The following THSD7B variants were observed in gnomAD, a reference collection of about 807,000 sequenced individuals.
The protein encoded by THSD7B is thrombospondin type 1 domain containing 7B, also known as thrombospondin type-1 domain-containing protein 7B.
Under a neutral mutation model 213.6 loss-of-function variants are expected in THSD7B, and 138 were observed. The ratio of observed to expected loss-of-function variants is 0.65; its 90% CI spans 0.56 to 0.74. THSD7B has a LOEUF of 0.74. Ranked by LOEUF, THSD7B falls within the 30% of genes least tolerant of loss-of-function variation. The pLI is 0.00. For synonymous variants in THSD7B, 742 were observed against 687.0 expected (o/e 1.08, Z -1.25); for missense variants, 1,931 against 1,991.5 (o/e 0.97, Z 0.58).
At chr2:136,778,608 C>T (rs1446707481) in intron 1 of THSD7B, among the ~76,000 whole-genome samples, 1 of 152,204 alleles carries the variant, frequency 6.6e-6, no homozygotes, top group Non-Finnish European at 1.5e-5. Context: ...AAAAACTCCT[C>T]TGTTACCGAT....
intron 14 of THSD7B, among the ~76,000 whole-genome samples, chr2:137,434,086 G>A (rs367574758): frequency 6.6e-6 from 1 of 152,142 alleles, no homozygotes; most frequent in South Asian, 2.1e-4. Flanking sequence ...TAATCAAAAT[G>A]TTGGACAAAA....
At chr2:137,261,817 C>T (rs796990672) in intron 10 of THSD7B, among the ~76,000 whole-genome samples, 12 of 150,536 alleles carry the variant, frequency 8.0e-5, no homozygotes, top group African/African-American at 2.9e-4. Context: ...AATATGACAA[C>T]TGATATTTAA....
chr2:137,555,462 A>G (rs1336154817), intron 15 of THSD7B, among the ~76,000 whole-genome samples: 1 of 152,242 alleles, frequency 6.6e-6, no homozygotes, highest in African/African-American at 2.4e-5. Context: ...GCAAACTCCA[A>G]CAGACCTGCA....
intron 1 of THSD7B, among the ~76,000 whole-genome samples, chr2:136,804,964 G>A (rs569637420): frequency 7.9e-5 from 12 of 152,200 alleles, no homozygotes; most frequent in African/African-American, 2.6e-4. Context: ...GGCAACACAG[G>A]TCCCTTTCTG....
chr2:137,332,344 G>A (rs1050462866), intron 12 of THSD7B, among the ~76,000 whole-genome samples: 3 of 152,110 alleles, frequency 2.0e-5, no homozygotes, highest in Non-Finnish European at 4.4e-5. Flanking sequence ...GACTTGCACC[G>A]GCCCTGAGTC....
chr2:137,133,764 A>AT (rs1486818846), intron 5 of THSD7B, among the ~76,000 whole-genome samples: 2 of 152,258 alleles, frequency 1.3e-5, no homozygotes, highest in African/African-American at 4.8e-5. Flanking sequence ...AATATATCCA[A>AT]AGGACTATCA....
intron 5 of THSD7B, among the ~76,000 whole-genome samples, chr2:137,136,156 G>A (rs1196342897): frequency 6.6e-6 from 1 of 152,100 alleles, no homozygotes; most frequent in East Asian, 1.9e-4. Context: ...TGGGGGGTGA[G>A]GGGGCAAGGG....
chr2:137,283,098 A>T (rs539093395), intron 12 of THSD7B, among the ~76,000 whole-genome samples: 2 of 151,942 alleles, frequency 1.3e-5, no homozygotes, highest in Non-Finnish European at 2.9e-5. Context: ...GTGATTTGTC[A>T]TTCTCCTTGA....
chr2:137,233,253 G>C, intron 9 of THSD7B, 120 bp downstream of exon 9: 1 of 903,510 alleles, frequency 1.1e-6, no homozygotes, highest in South Asian at 1.7e-5. Flanking sequence ...AGGGTTTGTT[G>C]TTGCTGTTTG....
At chr2:137,404,149 C>A (rs139417232) in intron 12 of THSD7B, among the ~76,000 whole-genome samples, 2 of 151,270 alleles carry the variant, frequency 1.3e-5, no homozygotes, top group African/African-American at 2.4e-5. Flanking sequence ...TGTTACCTCA[C>A]GATTATTATT....
At position 137,488,014 on chromosome 2, in the gene THSD7B, C is replaced by T. The variant is rs1456360506; in HGVS notation, c.3138+36991C>T. Among the ~76,000 whole-genome samples the T allele has an allele frequency of 1.8e-3, 23 of 12,504 alleles. 6 individuals carry two copies. The highest frequency in any genetic ancestry group is 3.6e-3 in the African/African-American group (23 of 6,304). 8.2% of individuals were successfully genotyped at this position (12,504 alleles called of 152,430 possible). ...TCCTGACCTCGTGATCCGCCCGCCTCGGCCTCCCAAAGTGCTGGGATTACA... is the reference window on the plus strand; with the variant it reads ...TCCTGACCTCGTGATCCGCCCGCCTTGGCCTCCCAAAGTGCTGGGATTACA... On this transcript the variant is annotated intron_variant, in intron 15 of 27. Coordinates refer to ENST00000409968, the MANE Select transcript of THSD7B (RefSeq NM_001316349.2).
chr2:137,059,181 A>C (rs1359398960), intron 3 of THSD7B, among the ~76,000 whole-genome samples: 1 of 152,012 alleles, frequency 6.6e-6, no homozygotes, highest in Non-Finnish European at 1.5e-5. Context: ...GAGAGAAAAA[A>C]AGAGAGCACT....
chr2:137,313,635 T>C (rs1252521580), intron 12 of THSD7B, among the ~76,000 whole-genome samples: 4 of 152,074 alleles, frequency 2.6e-5, no homozygotes, highest in Admixed American at 2.0e-4. Flanking sequence ...GATTTTGCAG[T>C]GGCTGGTACT....
At chr2:136,970,322 G>A (rs1685384247) in intron 2 of THSD7B, among the ~76,000 whole-genome samples, 1 of 151,950 alleles carries the variant, frequency 6.6e-6, no homozygotes, top group Non-Finnish European at 1.5e-5. Context: ...AAATTAGCCA[G>A]GCCTGGTGGC....
chr2:137,116,168 C>T (rs1688444635), intron 5 of THSD7B, among the ~76,000 whole-genome samples: 1 of 152,162 alleles, frequency 6.6e-6, no homozygotes, highest in African/African-American at 2.4e-5. Flanking sequence ...CATAGCTTTG[C>T]AGAGTTCATA....
Position 136,895,023 on chromosome 2 carries a change from C to G in THSD7B, c.139+12706C>G, listed in dbSNP as rs188321768. ...ACTGACAGTCTGTGGCATGTTTGAA[C>G]AAACCTGGGTTTGAGCTTAGATGGG... On this transcript the variant is annotated intron_variant, in intron 2 of 27. Coordinates refer to ENST00000409968, the MANE Select transcript of THSD7B (RefSeq NM_001316349.2). Among the ~76,000 whole-genome samples the G allele has an allele frequency of 2.5e-4, 38 of 152,300 alleles. No homozygotes were observed. The East Asian group carries it at 6.0e-3, about 24-fold the overall frequency.
At chr2:137,448,623 C>A (rs1237784275) in intron 14 of THSD7B, among the ~76,000 whole-genome samples, 1 of 152,034 alleles carries the variant, frequency 6.6e-6, no homozygotes, top group Non-Finnish European at 1.5e-5. Context: ...CGGTGAAACC[C>A]CATCTCTACT....
rs539078512 is a variant in THSD7B, at chr2:137,252,258, C to T, written c.2266+9686C>T. ...CTTCAGCCTGGGTGACAGAGCGAGA[C>T]TCTGTCTCAAAAAAAAAAAAAAAAA... On this transcript the variant is annotated intron_variant, in intron 10 of 27. Transcript: ENST00000409968. Among the ~76,000 whole-genome samples, 307 of 97,688 alleles carry T rather than the reference C, an allele frequency of 3.1e-3. 3 individuals are homozygous for T. The highest frequency in any genetic ancestry group is 0.012 in the South Asian group (31 of 2,586). The allele number at this position is 97,688 out of a possible 152,430, so 64.1% of individuals were successfully genotyped here.
chr2:137,384,947 T>C lies in THSD7B; in HGVS notation c.2501-20666T>C, dbSNP rs184190751. 9.4e-3 allele frequency among the ~76,000 whole-genome samples: 1,423 copies of C among 152,104 alleles called. 19 individuals are homozygous for C. The highest frequency in any genetic ancestry group is 0.033 in the African/African-American group (1,355 of 41,498). ...GGTGGGATGAGGCACCTGACCAGGC[T>C]GAGAGAAATGGATCTGGAGTTCTTC... On this transcript the variant is annotated intron_variant, in intron 12 of 27. Coordinates refer to ENST00000409968, the MANE Select transcript of THSD7B (RefSeq NM_001316349.2).
Sources: allele counts gnomAD v4.1 joint callset (sites outside exome capture counted in the v4.1 genomes callset), GRCh38; gene constraint gnomAD v4.1.1; transcripts MANE v1.5; gene names NCBI Gene and HGNC (gene_info 2026-07-23, HGNC 2026-07-21).